Variants in ANKRD36 observed in about 807,000 individuals in gnomAD.
ANKRD36 encodes ankyrin repeat domain 36.
Under a neutral mutation model 278.1 loss-of-function variants are expected in ANKRD36, and 179 were observed. The observed-to-expected ratio is 0.64, with a 90% CI of 0.57 to 0.73. The LOEUF is 0.73. Ranked by LOEUF, ANKRD36 falls within the 30% of genes least tolerant of loss-of-function variation. The pLI, the probability that ANKRD36 is intolerant of heterozygous loss-of-function variation, is 0.00. For synonymous variants in ANKRD36, 320 were observed against 641.1 expected, an observed-to-expected ratio of 0.50 and a Z score of 7.57; for missense variants, 1,159 against 1,956.7, an observed-to-expected ratio of 0.59 and a Z score of 7.69.
intron 58 of ANKRD36, among the ~76,000 whole-genome samples, chr2:97,212,325 G>T (rs2064886068): frequency 6.6e-6 from 1 of 151,888 alleles, no homozygotes; most frequent in Non-Finnish European, 1.5e-5. Flanking sequence ...TTTGATTTTG[G>T]CTGCTCCAGG....
At chr2:97,177,491 T>C (rs1239700095) in intron 22 of ANKRD36, among the ~76,000 whole-genome samples, 1 of 151,846 alleles carries the variant, frequency 6.6e-6, no homozygotes. Flanking sequence ...TATAGATCAA[T>C]GGAACAGAAC....
intron 48 of ANKRD36, among the ~76,000 whole-genome samples, chr2:97,203,750 A>G (rs1339822324): frequency 6.6e-6 from 1 of 151,818 alleles, no homozygotes; most frequent in Middle Eastern, 3.2e-3. Context: ...GACGTGTATG[A>G]GTTGCTCCTC....
At chr2:97,144,378 C>T in intron 8 of ANKRD36, 140 bp from the exon 9 acceptor site, 1 of 1,246,436 alleles carries the variant, frequency 8.0e-7, no homozygotes, top group Non-Finnish European at 1.1e-6. Flanking sequence ...ATGTTCCTGT[C>T]CCAATACACA....
At chr2:97,162,732 A>T (rs925199630) in intron 18 of ANKRD36, among the ~76,000 whole-genome samples, 1 of 145,154 alleles carries the variant, frequency 6.9e-6, no homozygotes, top group African/African-American at 2.5e-5. Flanking sequence ...GGGGTTACAC[A>T]TCAATGATAT....
At chr2:97,137,654 C>G (rs542229205) in intron 6 of ANKRD36, among the ~76,000 whole-genome samples, 1 of 151,904 alleles carries the variant, frequency 6.6e-6, no homozygotes, top group African/African-American at 2.4e-5. Flanking sequence ...ATGGTATTTC[C>G]GGTTCTAGAT....
chr2:97,226,106 G>A (rs1466572806), intron 67 of ANKRD36, among the ~76,000 whole-genome samples: 9 of 151,640 alleles, frequency 5.9e-5, no homozygotes, highest in African/African-American at 1.5e-4. Flanking sequence ...TGTCTTTATA[G>A]CAGCATGATT....
rs950947853 is a variant in ANKRD36, at chr2:97,158,183, CCTGA to C, written c.1321+19_1321+22del. On this transcript the variant is annotated intron_variant, in intron 16 of 75. Transcript: ENST00000420699. ...GCAGAAAATTGTAAGCTATTTGAAACCTGACTATTATATTATCTACTGAATCTTT... is the reference window on the plus strand; with the variant it reads ...GCAGAAAATTGTAAGCTATTTGAAACCTATTATATTATCTACTGAATCTTT... 2.1e-5 allele frequency: 30 copies of C among 1,463,274 alleles called. No individual in the cohort carries two copies. The highest frequency in any genetic ancestry group is 1.0e-4 in the East Asian group (4 of 39,840). The allele number at this position is 1,463,274 out of a possible 1,614,324, so 90.6% of individuals were successfully genotyped here.
At chr2:97,174,680 G>C (rs1176899374) in intron 22 of ANKRD36, among the ~76,000 whole-genome samples, 1 of 151,666 alleles carries the variant, frequency 6.6e-6, no homozygotes, top group Non-Finnish European at 1.5e-5. Flanking sequence ...GGAGTGGTGA[G>C]AAAGGGCATC....
chr2:97,165,661 G>A (rs536823426), intron 20 of ANKRD36, among the ~76,000 whole-genome samples: 3 of 104,940 alleles, frequency 2.9e-5, no homozygotes, highest in Admixed American at 2.1e-4. Flanking sequence ...CCCTTTGTTG[G>A]GCCCTATAAA....
chr2:97,180,276 A>G (rs2055764712), intron 24 of ANKRD36, among the ~76,000 whole-genome samples: 1 of 151,656 alleles, frequency 6.6e-6, no homozygotes, highest in Non-Finnish European at 1.5e-5. Flanking sequence ...AATAGATATT[A>G]TAGGCATCGT....
chr2:97,207,590 C>G lies in ANKRD36; in HGVS notation c.3164-221C>G, dbSNP rs1489834559. Among the ~76,000 whole-genome samples, 3 of 151,398 alleles carry G rather than the reference C, an allele frequency of 2.0e-5. 1 individual carries two copies. In the Admixed American group the frequency reaches 2.0e-4, roughly 10 times the overall value. ...TTTTAGTTTTTCACATATGACAAAT[C>G]ATACCATGTTTGAAATTCTAAGACT... is the stretch of plus-strand genomic sequence containing the variant. On this transcript the variant is annotated intron_variant, in intron 52 of 75. Coordinates refer to ENST00000420699, the MANE Select transcript of ANKRD36 (RefSeq NM_001354587.1).
chr2:97,211,867 A>G, intron 58 of ANKRD36, 126 bp downstream of exon 58: 8 of 1,251,018 alleles, frequency 6.4e-6, no homozygotes, highest in Non-Finnish European at 8.8e-6. Context: ...GAGATTATTC[A>G]TTTGTAATAA....
intron 32 of ANKRD36, among the ~76,000 whole-genome samples, chr2:97,188,687 G>T (rs1198527296): frequency 1.1e-5 from 1 of 90,480 alleles, no homozygotes; most frequent in African/African-American, 2.6e-5. Context: ...TAGTACAATG[G>T]TGTAAATCCT....
rs920302994 is a variant in ANKRD36, at chr2:97,134,572, A to C, written c.799+7438A>C. Among the ~76,000 whole-genome samples the C allele has an allele frequency of 2.0e-5, 3 of 152,244 alleles. No individual in the cohort carries two copies. The East Asian group carries it at 5.8e-4, about 29-fold the overall frequency. The stretch of plus-strand genomic sequence containing the variant: ...TTCTTTCTTTGAGGGATCACTTTGA[A>C]GACAGTCTATATTATTATAACATGA... On this transcript the variant is annotated intron_variant, in intron 6 of 75. Transcript: ENST00000420699.
At chr2:97,153,958 G>T (rs1308008137) in intron 14 of ANKRD36, among the ~76,000 whole-genome samples, 4 of 148,086 alleles carry the variant, frequency 2.7e-5, no homozygotes, top group African/African-American at 9.7e-5. Flanking sequence ...AAGCTTGCTG[G>T]TTTTTGTGGA....
intron 12 of ANKRD36, among the ~76,000 whole-genome samples, chr2:97,150,997 A>G (rs548213530): frequency 9.8e-5 from 15 of 152,298 alleles, no homozygotes; most frequent in Middle Eastern, 3.4e-3. Context: ...TCTTTATTAC[A>G]TAAGTATTTA....
chr2:97,210,575 T>C (rs1317354453), intron 56 of ANKRD36, among the ~76,000 whole-genome samples: 1 of 151,850 alleles, frequency 6.6e-6, no homozygotes, highest in Non-Finnish European at 1.5e-5. Flanking sequence ...ATTTTAGTTA[T>C]AAAAATGAGA....
At chr2:97,182,454 GAT>G (rs1296613383) in intron 26 of ANKRD36, among the ~76,000 whole-genome samples, 1 of 147,566 alleles carries the variant, frequency 6.8e-6, no homozygotes. Context: ...GGGCATCAGA[GAT>G]ATACGTTTTG....
At position 97,183,493 on chromosome 2, in the gene ANKRD36, T is replaced by G; in HGVS notation, c.1866+6T>G. 6.4e-7 allele frequency: 1 copy of G among 1,562,318 alleles called. No individual in the cohort carries two copies. Among genetic ancestry groups the G allele is most frequent in the Non-Finnish European group, 8.7e-7 (1 of 1,153,698 alleles). On this transcript the variant is annotated splice_donor_region_variant and intron_variant, in intron 27 of 75. Coordinates refer to ENST00000420699, the MANE Select transcript of ANKRD36 (RefSeq NM_001354587.1). ...AGAAACAATCGGCCTGGAAGGTAGT[T>G]ACTCTTTCATTTATATTTTGAATTA...
Sources: allele counts gnomAD v4.1 joint callset (sites outside exome capture counted in the v4.1 genomes callset), GRCh38; gene constraint gnomAD v4.1.1; transcripts MANE v1.5; gene names NCBI Gene and HGNC (gene_info 2026-07-23, HGNC 2026-07-21).